Variants in ASIC2 observed in about 807,000 individuals in gnomAD.
ASIC2 encodes the protein acid sensing ion channel subunit 2.
A neutral mutation model predicts 57.3 loss-of-function variants in ASIC2; 25 were observed. The ratio of observed to expected loss-of-function variants is 0.44; its 90% CI spans 0.32 to 0.61. The LOEUF is 0.61. Among genes scored for constraint, ASIC2 ranks in the 20% least tolerant of loss-of-function variants. ASIC2 has a pLI of 0.06. For synonymous variants in ASIC2, 319 were observed against 307.5 expected, an observed-to-expected ratio of 1.04 and a Z score of -0.39; for missense variants, 641 against 738.1, an observed-to-expected ratio of 0.87 and a Z score of 1.52.
chr17:33,548,273 G>A (rs962897316), intron 1 of ASIC2, among the ~76,000 whole-genome samples: 3 of 152,140 alleles, frequency 2.0e-5, no homozygotes, highest in African/African-American at 7.2e-5. Context: ...TACTTCACAG[G>A]AAGACAACCT....
chr17:33,737,017 G>C (rs1000912046), intron 1 of ASIC2, among the ~76,000 whole-genome samples: 6 of 152,256 alleles, frequency 3.9e-5, no homozygotes, highest in African/African-American at 1.4e-4. Flanking sequence ...CTGTAACACT[G>C]TCTTTTTAGT....
chr17:34,097,725 T>C (rs1910598210), intron 1 of ASIC2, among the ~76,000 whole-genome samples: 1 of 152,182 alleles, frequency 6.6e-6, no homozygotes, highest in Non-Finnish European at 1.5e-5. Context: ...GAATCCATGA[T>C]GTGGAACTCA....
At chr17:33,935,917 G>A (rs1916048862) in intron 1 of ASIC2, 1 of 152,176 alleles carries the variant, frequency 6.6e-6, no homozygotes, top group Admixed American at 6.5e-5. Context: ...ATTAAGCTCT[G>A]TCTCTAGGGA....
chr17:33,140,019 T>C (rs759813767), intron 1 of ASIC2, among the ~76,000 whole-genome samples: 1 of 152,228 alleles, frequency 6.6e-6, no homozygotes, highest in Non-Finnish European at 1.5e-5. Context: ...GGGTGTTTTT[T>C]CAAATGTCTT....
At chr17:33,071,639 A>G (rs2092069785) in intron 3 of ASIC2, among the ~76,000 whole-genome samples, 1 of 152,194 alleles carries the variant, frequency 6.6e-6, no homozygotes, top group Non-Finnish European at 1.5e-5. Flanking sequence ...AGATGTCATG[A>G]ATTTTAACAT....
At chr17:33,991,000 T>G (rs1905984993) in intron 1 of ASIC2, among the ~76,000 whole-genome samples, 1 of 152,202 alleles carries the variant, frequency 6.6e-6, no homozygotes, top group African/African-American at 2.4e-5. Context: ...GATAAAGAAT[T>G]GCAGATCTGG....
At chr17:33,254,438 C>T (rs1353395245) in intron 1 of ASIC2, among the ~76,000 whole-genome samples, 3 of 152,144 alleles carry the variant, frequency 2.0e-5, no homozygotes, top group South Asian at 2.1e-4. Context: ...TGGCTGAAGC[C>T]TTTCCAATAA....
At chr17:33,074,436 C>T (rs2092081428) in intron 3 of ASIC2, among the ~76,000 whole-genome samples, 1 of 152,066 alleles carries the variant, frequency 6.6e-6, no homozygotes, top group African/African-American at 2.4e-5. Flanking sequence ...CTCCCCTTTC[C>T]CCAGGCCTGG....
At chr17:33,279,026 C>A (rs1904831201) in intron 1 of ASIC2, among the ~76,000 whole-genome samples, 1 of 152,190 alleles carries the variant, frequency 6.6e-6, no homozygotes, top group Non-Finnish European at 1.5e-5. Context: ...GAAAGCATCC[C>A]TTTGCCTACA....
At chr17:34,054,767 T>G (rs777132057) in intron 1 of ASIC2, among the ~76,000 whole-genome samples, 3 of 152,234 alleles carry the variant, frequency 2.0e-5, no homozygotes, top group Non-Finnish European at 4.4e-5. Context: ...TAGCACTCAC[T>G]GATGCATAGA....
chr17:33,765,112 T>TG (rs1195867032), intron 1 of ASIC2, among the ~76,000 whole-genome samples: 2 of 152,116 alleles, frequency 1.3e-5, no homozygotes, highest in Non-Finnish European at 2.9e-5. Flanking sequence ...AATTGTTTTT[T>TG]GTTTTTTTTT....
chr17:33,081,097 A>G (rs2092111536), intron 3 of ASIC2, among the ~76,000 whole-genome samples: 1 of 152,104 alleles, frequency 6.6e-6, no homozygotes, highest in South Asian at 2.1e-4. Context: ...TTTTTATGGG[A>G]TTCAGTTTTT....
chr17:33,459,021 T>C (rs774919598), intron 1 of ASIC2, among the ~76,000 whole-genome samples: 1 of 151,938 alleles, frequency 6.6e-6, no homozygotes, highest in Non-Finnish European at 1.5e-5. Context: ...ACAACGGGGC[T>C]CTTCTGGTTG....
intron 1 of ASIC2, among the ~76,000 whole-genome samples, chr17:33,471,083 C>T (rs1414541845): frequency 6.6e-6 from 1 of 152,204 alleles, no homozygotes; most frequent in African/African-American, 2.4e-5. Context: ...GAGGTCTGAG[C>T]ATGTTCTGTG....
chr17:33,087,066 A>C (rs2092137074), intron 3 of ASIC2, among the ~76,000 whole-genome samples: 1 of 152,024 alleles, frequency 6.6e-6, no homozygotes, highest in Admixed American at 6.6e-5. Flanking sequence ...ATCTGCCCTC[A>C]CCATGTCAAC....
intron 1 of ASIC2, among the ~76,000 whole-genome samples, chr17:33,535,555 C>T (rs559242450): frequency 1.1e-4 from 17 of 152,088 alleles, no homozygotes; most frequent in African/African-American, 2.7e-4. Flanking sequence ...GGATTACAGG[C>T]GTGAGCCACT....
intron 1 of ASIC2, among the ~76,000 whole-genome samples, chr17:33,883,712 T>C (rs1914758851): frequency 6.6e-6 from 1 of 152,184 alleles, no homozygotes; most frequent in African/African-American, 2.4e-5. Flanking sequence ...TAAGATCACA[T>C]TCCCTTCTCC....
At chr17:33,690,215 C>T (rs1325673013) in intron 1 of ASIC2, among the ~76,000 whole-genome samples, 1 of 152,126 alleles carries the variant, frequency 6.6e-6, no homozygotes. Context: ...TGTAAAAAGC[C>T]ACTCAAAAAC....
intron 1 of ASIC2, among the ~76,000 whole-genome samples, chr17:33,844,736 A>T (rs926283826): frequency 5.9e-5 from 9 of 152,262 alleles, no homozygotes; most frequent in African/African-American, 2.2e-4. Context: ...TGACAGATAT[A>T]AACTGTCAAC....
Sources: gnomAD v4.1 joint callset for allele counts (sites outside exome capture counted in the v4.1 genomes callset) on GRCh38, gnomAD v4.1.1 for gene constraint, MANE v1.5 for transcripts, NCBI Gene and HGNC (gene_info 2026-07-23, HGNC 2026-07-21) for gene names.